The following PTER variants were observed in gnomAD, a reference collection of about 807,000 sequenced individuals.
The protein encoded by PTER is phosphotriesterase related, also known as N-acetyltaurine hydrolase.
PTER carries 38 observed loss-of-function variants against 29.6 expected under a neutral mutation model. That is an observed-to-expected ratio of 1.28 (90% CI 0.99 to 1.68). The LOEUF (loss-of-function observed/expected upper bound fraction) is 1.68, where lower values mean the gene tolerates loss of function less well. Among genes scored for constraint, PTER ranks in the 40% most tolerant of loss-of-function variants. The pLI, the probability that PTER is intolerant of heterozygous loss-of-function variation, is 0.00. For missense variants in PTER, 482 were observed against 427.8 expected (o/e 1.13, Z -1.12); for synonymous variants, 172 against 154.5 (o/e 1.11, Z -0.84).
At chr10:16,457,688 C>T (rs1834462290) in intron 1 of PTER, among the ~76,000 whole-genome samples, 1 of 152,122 alleles carries the variant, frequency 6.6e-6, no homozygotes, top group Admixed American at 6.5e-5. Context: ...CAACCGCTGC[C>T]TCCCAGGTTC....
Position 16,511,536 on chromosome 10 carries a change from G to A in PTER, c.*280G>A. 1 of 343,302 alleles carries A rather than the reference G, an allele frequency of 2.9e-6. No individual in the cohort carries two copies. The highest frequency in any genetic ancestry group is 5.4e-6 in the Non-Finnish European group (1 of 186,258). 21.3% of individuals were successfully genotyped at this position (343,302 alleles called of 1,614,324 possible). A position where few individuals can be genotyped will look rare whatever the true frequency, so the allele number is the denominator to read the frequency against. ...ATTTAAAGTCTATATCCCCTAAGCG[G>A]AGTTGTTGTTTTTCTCCCTAATCTA... On this transcript the variant is annotated 3_prime_UTR_variant, in exon 5 of 5. Transcript: ENST00000535784.
At chr10:16,498,310 C>T (rs575499472) in intron 3 of PTER, among the ~76,000 whole-genome samples, 69 of 152,300 alleles carry the variant, frequency 4.5e-4, no homozygotes, top group African/African-American at 1.6e-3. Flanking sequence ...CAGTGTCTCA[C>T]ACTGTAATCC....
chr10:16,439,631 T>C (rs1202695040), intron 1 of PTER, among the ~76,000 whole-genome samples: 1 of 152,244 alleles, frequency 6.6e-6, no homozygotes, highest in Non-Finnish European at 1.5e-5. Flanking sequence ...TTTGCTTCCA[T>C]GTGCAAAGTG....
At chr10:16,446,581 A>G (rs1834020494) in intron 1 of PTER, among the ~76,000 whole-genome samples, 1 of 151,998 alleles carries the variant, frequency 6.6e-6, no homozygotes, top group Non-Finnish European at 1.5e-5. Context: ...ACATAGTCCC[A>G]TTTGTGTATT....
intron 4 of PTER, among the ~76,000 whole-genome samples, chr10:16,507,775 C>A (rs1836632970): frequency 6.6e-6 from 1 of 152,210 alleles, no homozygotes; most frequent in Admixed American, 6.5e-5. Flanking sequence ...GAAGTTCTGT[C>A]TTTTAATACT....
chr10:16,474,499 G>A (rs1261310440), intron 1 of PTER, among the ~76,000 whole-genome samples: 1 of 151,990 alleles, frequency 6.6e-6, no homozygotes, highest in African/African-American at 2.4e-5. Flanking sequence ...TTCGGCGTTA[G>A]TCTCTATATT....
chr10:16,445,411 A>T (rs1833982777), intron 1 of PTER, among the ~76,000 whole-genome samples: 1 of 152,228 alleles, frequency 6.6e-6, no homozygotes, highest in African/African-American at 2.4e-5. Context: ...GTGAGATTCC[A>T]TCTCAAAAAC....
At chr10:16,508,070 C>CTTTTTTTTTTTTTTTTTTTTT (rs56800279) in intron 4 of PTER, among the ~76,000 whole-genome samples, 3 of 127,878 alleles carry the variant, frequency 2.3e-5, no homozygotes, top group Middle Eastern at 3.7e-3. Context: ...TTTTCTTTTT[C>CTTTTTTTTTTTTTTTTTTTTT]TTTTTTTTTT....
At chr10:16,509,721 A>C (rs952605493) in intron 4 of PTER, among the ~76,000 whole-genome samples, 18 of 152,220 alleles carry the variant, frequency 1.2e-4, no homozygotes, top group African/African-American at 4.3e-4. Context: ...GTAACTGCAG[A>C]TCAGAACTTC....
At chr10:16,508,199 G>A (rs999077326) in intron 4 of PTER, among the ~76,000 whole-genome samples, 26 of 151,358 alleles carry the variant, frequency 1.7e-4, no homozygotes, top group African/African-American at 5.6e-4. Context: ...CTCCCGAGTA[G>A]CTGGGACTAC....
intron 4 of PTER, 142 bp from the exon 5 acceptor site, chr10:16,510,903 TA>T: frequency 1.5e-6 from 1 of 661,184 alleles, no homozygotes; most frequent in Non-Finnish European, 2.6e-6. Flanking sequence ...CAATATTTAT[TA>T]AAGGTCTCTC....
intron 3 of PTER, among the ~76,000 whole-genome samples, chr10:16,496,602 C>T (rs1836111499): frequency 6.6e-6 from 1 of 152,166 alleles, no homozygotes; most frequent in South Asian, 2.1e-4. Flanking sequence ...TGTTTGATAT[C>T]TCCTTCTCTT....
chr10:16,441,810 CA>C (rs1333061909), intron 1 of PTER, among the ~76,000 whole-genome samples: 1 of 152,124 alleles, frequency 6.6e-6, no homozygotes, highest in Non-Finnish European at 1.5e-5. Flanking sequence ...CTCTGCTTTA[CA>C]TATTAAATTC....
At chr10:16,488,284 C>T (rs774910165) in intron 3 of PTER, among the ~76,000 whole-genome samples, 7 of 151,978 alleles carry the variant, frequency 4.6e-5, no homozygotes, top group Non-Finnish European at 1.0e-4. Flanking sequence ...AATTCTAACT[C>T]TCATTGGTGT....
At chr10:16,494,956 A>G (rs1450193157) in intron 3 of PTER, among the ~76,000 whole-genome samples, 93 of 152,026 alleles carry the variant, frequency 6.1e-4, no homozygotes, top group Non-Finnish European at 1.3e-4. Context: ...TCACTCAATT[A>G]TAGTAATTTG....
chr10:16,455,000 A>G (rs930348890), intron 1 of PTER, among the ~76,000 whole-genome samples: 1 of 152,126 alleles, frequency 6.6e-6, no homozygotes, highest in Non-Finnish European at 1.5e-5. Context: ...GAGCTGAGGA[A>G]GGTGGATCAC....
intron 1 of PTER, among the ~76,000 whole-genome samples, chr10:16,481,875 CTA>C (rs1272752590): frequency 6.6e-6 from 1 of 152,140 alleles, no homozygotes; most frequent in Non-Finnish European, 1.5e-5. Flanking sequence ...AAGCTTGCAT[CTA>C]TTATTAATGG....
chr10:16,465,990 C>T (rs1252349357), intron 1 of PTER, among the ~76,000 whole-genome samples: 2 of 152,240 alleles, frequency 1.3e-5, no homozygotes, highest in South Asian at 2.1e-4. Flanking sequence ...CCATCTGTTC[C>T]CTCCCTCAAT....
In PTER at chr10:16,488,757, C is replaced by A. The variant is rs1835794084; in HGVS notation, c.698+2140C>A. On this transcript the variant is annotated intron_variant, in intron 3 of 4. Transcript: ENST00000535784. The stretch of plus-strand genomic sequence containing the variant: ...AAGCTGGGACTACAGGCATGTGCCT[C>A]CACACCTGGCTAATTTTTATATTTT... Among the ~76,000 whole-genome samples, 3 of 152,292 alleles carry A rather than the reference C, an allele frequency of 2.0e-5. No homozygotes were observed. In the South Asian group the frequency reaches 6.2e-4, roughly 32 times the overall value.
Sources: gnomAD v4.1 joint callset for allele counts (sites outside exome capture counted in the v4.1 genomes callset) on GRCh38, gnomAD v4.1.1 for gene constraint, MANE v1.5 for transcripts, NCBI Gene and HGNC (gene_info 2026-07-23, HGNC 2026-07-21) for gene names.